CNTN6: variants seen among roughly 807,000 people sequenced by gnomAD.
CNTN6 encodes contactin-6.
A neutral mutation model predicts 122.8 loss-of-function variants in CNTN6; 137 were observed. That is an observed-to-expected ratio of 1.12 (90% CI 0.97 to 1.29). CNTN6 has a LOEUF of 1.29. Ranked by LOEUF, CNTN6 falls within the 50% of genes most tolerant of loss-of-function variation. CNTN6 has a pLI of 0.00. For missense variants in CNTN6, 1,634 were observed against 1,223.4 expected, an observed-to-expected ratio of 1.34 and a Z score of -5.01; for synonymous variants, 570 against 426.0, an observed-to-expected ratio of 1.34 and a Z score of -4.16.
chr3:1,246,954 A>G (rs77247955), intron 4 of CNTN6, among the ~76,000 whole-genome samples: 1 of 152,140 alleles, frequency 6.6e-6, no homozygotes, highest in Non-Finnish European at 1.5e-5. Context: ...AACCGCTTCT[A>G]CTGTGTCGCT....
Position 1,243,753 on chromosome 3 carries a change from C to T in CNTN6, c.358+15760C>T, listed in dbSNP as rs28865667. Among the ~76,000 whole-genome samples the T allele has an allele frequency of 4.8e-3, 729 of 152,194 alleles. 4 individuals are homozygous for T. The highest frequency in any genetic ancestry group is 0.015 in the African/African-American group (623 of 41,526). On this transcript the variant is annotated intron_variant, in intron 4 of 22. Transcript: ENST00000446702. ...AGGTGGGGAAGAGCTAGTCACAGAA[C>T]GAAACTGTAAGCCAGACCGGGTGTG...
chr3:1,213,978 G>T lies in CNTN6; in HGVS notation c.56-6709G>T, dbSNP rs115392574. On this transcript the variant is annotated intron_variant, in intron 2 of 22. Coordinates refer to ENST00000446702, the MANE Select transcript of CNTN6 (RefSeq NM_001289080.2). ...TTTTGCTGTGAAAGATGATACTAGC[G>T]CTCATACTAGCTAATTATATTCCCT... Among the ~76,000 whole-genome samples the T allele has an allele frequency of 8.0e-3, 1,221 of 151,998 alleles. 4 individuals carry two copies. Among genetic ancestry groups the T allele is most frequent in the Non-Finnish European group, 0.012 (848 of 67,944 alleles).
At chr3:1,390,697 G>C (rs1232090054) in intron 20 of CNTN6, among the ~76,000 whole-genome samples, 2 of 151,886 alleles carry the variant, frequency 1.3e-5, no homozygotes, top group African/African-American at 4.8e-5. Flanking sequence ...GAATCAAATA[G>C]ACACAATAAA....
intron 4 of CNTN6, among the ~76,000 whole-genome samples, chr3:1,243,938 G>A (rs955528929): frequency 2.6e-5 from 4 of 152,118 alleles, no homozygotes; most frequent in African/African-American, 9.7e-5. Context: ...GGGAAAGAAG[G>A]AGGATCTGGG....
At chr3:1,366,618 T>G (rs1455104617) in intron 12 of CNTN6, among the ~76,000 whole-genome samples, 2 of 152,162 alleles carry the variant, frequency 1.3e-5, no homozygotes, top group Admixed American at 1.3e-4. Flanking sequence ...AGCACCAATC[T>G]TCCAGTCCCT....
At chr3:1,282,646 A>C (rs1693670902) in intron 5 of CNTN6, among the ~76,000 whole-genome samples, 1 of 152,196 alleles carries the variant, frequency 6.6e-6, no homozygotes, top group South Asian at 2.1e-4. Context: ...TAAGGACAGC[A>C]CAGAGAGGAC....
intron 1 of CNTN6, among the ~76,000 whole-genome samples, chr3:1,107,909 A>C (rs1460592335): frequency 2.0e-5 from 3 of 152,112 alleles, no homozygotes; most frequent in Non-Finnish European, 2.9e-5. Flanking sequence ...AAATTATTTA[A>C]GAGTATAACT....
rs112064606 is a variant in CNTN6 at position 1,372,905 on chromosome 3, T to C, written c.1736T>C (p.Val579Ala). The C allele has an allele frequency of 6.2e-7, 1 of 1,609,898 alleles. No individual in the cohort carries two copies. The highest frequency in any genetic ancestry group is 8.5e-7 in the Non-Finnish European group (1 of 1,177,408). The change falls in exon 14 of 23, where the codon GTA becomes GCA. Residue 579 changes from valine (V) to alanine (A), a missense_variant. Coordinates refer to ENST00000446702, the MANE Select transcript of CNTN6 (RefSeq NM_001289080.2). Reference sequence around the variant, plus strand: ...CATTCAGGAAAATATCTCTGCACAGTACAAACAACCCTAGAAAGTTTATCT... The same window carrying C: ...CATTCAGGAAAATATCTCTGCACAGCACAAACAACCCTAGAAAGTTTATCT... ...LHHSGKYLCT[V>A]QTTLESLSAV... is the part of the protein sequence containing the mutation.
At chr3:1,386,198 A>C (rs1165547274) in intron 20 of CNTN6, among the ~76,000 whole-genome samples, 1 of 151,916 alleles carries the variant, frequency 6.6e-6, no homozygotes, top group Non-Finnish European at 1.5e-5. Flanking sequence ...GTTTTGTTCA[A>C]GATTGAAAGA....
intron 1 of CNTN6, among the ~76,000 whole-genome samples, chr3:1,147,695 T>G (rs2092751821): frequency 6.6e-6 from 1 of 152,070 alleles, no homozygotes; most frequent in Non-Finnish European, 1.5e-5. Context: ...CTTGTGATAT[T>G]AGGACAAATA....
chr3:1,374,118 T>A (rs375587530), intron 16 of CNTN6, 45 bp downstream of exon 16: 38 of 1,550,494 alleles, frequency 2.5e-5, no homozygotes, highest in Non-Finnish European at 3.2e-5. Context: ...TTTCGTATGA[T>A]ACAGTTCTTA....
intron 1 of CNTN6, among the ~76,000 whole-genome samples, chr3:1,116,720 T>G: frequency 6.8e-6 from 1 of 147,618 alleles, no homozygotes; most frequent in Non-Finnish European, 1.5e-5. Context: ...TTTTTTTTTT[T>G]TTGAGACAGG....
chr3:1,330,938 T>C (rs527469359), intron 11 of CNTN6, among the ~76,000 whole-genome samples: 1 of 152,040 alleles, frequency 6.6e-6, no homozygotes, highest in East Asian at 1.9e-4. Context: ...GAACTTCCAA[T>C]GTTTCAGAGA....
chr3:1,183,121 A>G lies in CNTN6; in HGVS notation c.55+35058A>G, dbSNP rs528222584. Among the ~76,000 whole-genome samples the G allele has an allele frequency of 6.6e-5, 10 of 152,322 alleles. No homozygotes were observed. The East Asian group carries it at 1.7e-3, about 26-fold the overall frequency. On this transcript the variant is annotated intron_variant, in intron 2 of 22. Coordinates refer to ENST00000446702, the MANE Select transcript of CNTN6 (RefSeq NM_001289080.2). ...GATGAACTGTCCGGTATACGAAGATAAAAGATTTTAAAGGCAACGCATAAT... is the reference window on the plus strand; with the variant it reads ...GATGAACTGTCCGGTATACGAAGATGAAAGATTTTAAAGGCAACGCATAAT...
chr3:1,245,483 G>A (rs1019856573), intron 4 of CNTN6, among the ~76,000 whole-genome samples: 1 of 148,706 alleles, frequency 6.7e-6, no homozygotes. Context: ...TGGGAGCTAA[G>A]CTATGTGTAC....
At chr3:1,303,240 C>T (rs1260859452) in intron 7 of CNTN6, among the ~76,000 whole-genome samples, 2 of 151,926 alleles carry the variant, frequency 1.3e-5, no homozygotes, top group Non-Finnish European at 2.9e-5. Context: ...ATTTTAAATC[C>T]TCAGCCTGAT....
chr3:1,108,317 T>C (rs2091322004), intron 1 of CNTN6, among the ~76,000 whole-genome samples: 1 of 152,046 alleles, frequency 6.6e-6, no homozygotes, highest in African/African-American at 2.4e-5. Context: ...ATCTTGGGGA[T>C]TGGGACCCAA....
chr3:1,313,322 A>G (rs1376849001), intron 7 of CNTN6, among the ~76,000 whole-genome samples: 1 of 152,112 alleles, frequency 6.6e-6, no homozygotes, highest in African/African-American at 2.4e-5. Context: ...ATTTACATTA[A>G]AAGGAGTAGA....
At chr3:1,392,092 C>A (rs1440477777) in intron 20 of CNTN6, among the ~76,000 whole-genome samples, 2 of 152,130 alleles carry the variant, frequency 1.3e-5, no homozygotes, top group South Asian at 2.1e-4. Context: ...GAGCCCGCAT[C>A]GCCAAGTCAA....
Sources: gnomAD v4.1 joint callset for allele counts (sites outside exome capture counted in the v4.1 genomes callset) on GRCh38, gnomAD v4.1.1 for gene constraint, MANE v1.5 for transcripts, NCBI Gene and HGNC (gene_info 2026-07-23, HGNC 2026-07-21) for gene names.